The following SAMMSON variants were observed in gnomAD, a reference collection of about 807,000 sequenced individuals.
The protein encoded by SAMMSON is survival associated mitochondrial melanoma specific oncogenic non-coding RNA, also known as long intergenic non-protein coding RNA 1212.
intron 9 of SAMMSON, among the ~76,000 whole-genome samples, chr3:70,366,492 G>GGTTTTT (rs772373929): frequency 9.9e-6 from 1 of 100,758 alleles, no homozygotes; most frequent in Non-Finnish European, 2.1e-5. Flanking sequence ...GTGTTTTTAT[G>GGTTTTT]TTTTTTTTTT....
At chr3:70,354,839 C>T (rs1289025698) in intron 8 of SAMMSON, among the ~76,000 whole-genome samples, 1 of 152,144 alleles carries the variant, frequency 6.6e-6, no homozygotes, top group African/African-American at 2.4e-5. Flanking sequence ...GGGCATCAGA[C>T]ATGCATTGTG....
At chr3:70,195,316 G>A (rs1165183849) in intron 4 of SAMMSON, among the ~76,000 whole-genome samples, 1 of 152,142 alleles carries the variant, frequency 6.6e-6, no homozygotes, top group Non-Finnish European at 1.5e-5. Context: ...AAGGTGTGGG[G>A]CACTTTCATG....
intron 3 of SAMMSON, among the ~76,000 whole-genome samples, chr3:70,044,776 CTG>C (rs1463959670): frequency 6.7e-6 from 1 of 150,000 alleles, no homozygotes; most frequent in Non-Finnish European, 1.5e-5. Context: ...TAAAATGTAA[CTG>C]TGTTTACATA....
At chr3:70,187,839 A>G (rs1267990063) in intron 4 of SAMMSON, among the ~76,000 whole-genome samples, 1 of 151,992 alleles carries the variant, frequency 6.6e-6, no homozygotes, top group Non-Finnish European at 1.5e-5. Context: ...TTTCTGGGCA[A>G]AGGCAACTCT....
intron 7 of SAMMSON, among the ~76,000 whole-genome samples, chr3:70,306,426 A>G (rs1212508772): frequency 6.6e-6 from 1 of 152,292 alleles, no homozygotes; most frequent in East Asian, 1.9e-4. Context: ...TCGTTTTTAT[A>G]TCATCAAAGA....
intron 2 of SAMMSON, among the ~76,000 whole-genome samples, chr3:70,420,955 C>G (rs918519974): frequency 6.6e-6 from 1 of 151,096 alleles, no homozygotes; most frequent in Non-Finnish European, 1.5e-5. Context: ...TTTTTTTATT[C>G]TGTGCATGCC....
At chr3:70,244,337 A>G (rs1701686595) in intron 4 of SAMMSON, among the ~76,000 whole-genome samples, 1 of 152,156 alleles carries the variant, frequency 6.6e-6, no homozygotes, top group African/African-American at 2.4e-5. Context: ...ACATTTTCTC[A>G]ATGCCTCTTT....
chr3:70,141,971 C>T (rs1345201078), intron 4 of SAMMSON, among the ~76,000 whole-genome samples: 3 of 152,100 alleles, frequency 2.0e-5, no homozygotes, highest in Non-Finnish European at 2.9e-5. Flanking sequence ...CAAATCAAAA[C>T]CACAAAGTGA....
rs372760496 is a variant in SAMMSON, at chr3:70,170,448, A to T, written n.508-78659A>T. Among the ~76,000 whole-genome samples, 20 of 151,966 alleles carry T rather than the reference A, an allele frequency of 1.3e-4. No homozygotes were observed. In the East Asian group the frequency reaches 2.3e-3, roughly 18 times the overall value. Reference sequence around the variant, plus strand: ...TTTTAAATTCTTGAATTTAAAATTCATTAATTATACAGAAAATCACATAAT... The same window carrying T: ...TTTTAAATTCTTGAATTTAAAATTCTTTAATTATACAGAAAATCACATAAT... On this transcript the variant is annotated intron_variant and non_coding_transcript_variant, in intron 4 of 9. Coordinates refer to ENST00000642114, the Ensembl canonical transcript of SAMMSON.
chr3:70,309,778 A>G (rs1178913971), intron 7 of SAMMSON, among the ~76,000 whole-genome samples: 1 of 152,258 alleles, frequency 6.6e-6, no homozygotes, highest in African/African-American at 2.4e-5. Flanking sequence ...CTTTTATGAA[A>G]TATAGTAAAC....
intron 4 of SAMMSON, among the ~76,000 whole-genome samples, chr3:70,095,605 T>C (rs1413885656): frequency 6.6e-6 from 1 of 152,162 alleles, no homozygotes; most frequent in Non-Finnish European, 1.5e-5. Flanking sequence ...GCTCTGCCAA[T>C]TGCCAGGAAG....
intron 1 of SAMMSON, among the ~76,000 whole-genome samples, chr3:70,008,121 C>G (rs1246145251): frequency 6.6e-6 from 1 of 152,032 alleles, no homozygotes; most frequent in South Asian, 2.1e-4. Flanking sequence ...ATTGACTTGG[C>G]GATGTGGGCT....
chr3:70,302,447 T>A lies in SAMMSON; in HGVS notation n.739+11204T>A, dbSNP rs1255329564. On this transcript the variant is annotated intron_variant and non_coding_transcript_variant, in intron 7 of 9. Coordinates refer to ENST00000642114, the Ensembl canonical transcript of SAMMSON. ...TCCTGAGGCATAAAACATAAGAGAC[T>A]TTTTTTTCCTCTCACTATAAGACTG... 5 of 145,712 alleles carry A rather than the reference T, an allele frequency of 3.4e-5. No individual in the cohort carries two copies. The East Asian group carries it at 9.6e-4, about 28-fold the overall frequency. 9.0% of individuals were successfully genotyped at this position (145,712 alleles called of 1,614,324 possible). A position where few individuals can be genotyped will look rare whatever the true frequency, so the allele number is the denominator to read the frequency against.
intron 4 of SAMMSON, among the ~76,000 whole-genome samples, chr3:70,129,141 C>T (rs1255719487): frequency 6.6e-6 from 1 of 152,140 alleles, no homozygotes; most frequent in African/African-American, 2.4e-5. Flanking sequence ...TCTCTATCTT[C>T]TGATTTAACA....
At chr3:70,284,871 C>A (rs547188162) in intron 6 of SAMMSON, among the ~76,000 whole-genome samples, 1 of 152,002 alleles carries the variant, frequency 6.6e-6, no homozygotes, top group Non-Finnish European at 1.5e-5. Flanking sequence ...ATGTAACAAA[C>A]CTGCACATGT....
chr3:70,017,896 G>A (rs60715259), intron 3 of SAMMSON, among the ~76,000 whole-genome samples: 57,448 of 151,490 alleles, frequency 0.38, 11,236 homozygotes, highest in East Asian at 0.61. Context: ...TTATTGATTT[G>A]CATATGTTGA....
At chr3:70,311,837 A>C in intron 7 of SAMMSON, 2 of 396,958 alleles carry the variant, frequency 5.0e-6, no homozygotes, top group East Asian at 7.2e-5. Flanking sequence ...GCTTATAAAC[A>C]AAAGCAAAAT....
chr3:70,424,896 G>A lies in SAMMSON; in HGVS notation n.234-37664G>A, dbSNP rs544714768. 3 of 152,168 alleles carry A rather than the reference G, an allele frequency of 2.0e-5. No homozygotes were observed. The East Asian group carries it at 5.8e-4, about 29-fold the overall frequency. 9.4% of individuals were successfully genotyped at this position (152,168 alleles called of 1,614,324 possible). On this transcript the variant is annotated intron_variant and non_coding_transcript_variant, in intron 2 of 3. Coordinates refer to the SAMMSON transcript ENST00000641053. Reference sequence around the variant, plus strand: ...AAAATGTCTCCAGACATTGTACCTCGAGGGATAGAATTGCCCCCAGTTGAG... The same window carrying A: ...AAAATGTCTCCAGACATTGTACCTCAAGGGATAGAATTGCCCCCAGTTGAG...
chr3:70,118,287 A>C (rs549328710), intron 4 of SAMMSON, among the ~76,000 whole-genome samples: 1 of 152,258 alleles, frequency 6.6e-6, no homozygotes, highest in South Asian at 2.1e-4. Flanking sequence ...CATGAGAAGC[A>C]CTTTGCAACT....
Sources: allele counts gnomAD v4.1 joint callset (sites outside exome capture counted in the v4.1 genomes callset), GRCh38; gene constraint gnomAD v4.1.1; transcripts MANE v1.5; gene names NCBI Gene and HGNC (gene_info 2026-07-23, HGNC 2026-07-21).